TASOR: variants seen among roughly 807,000 people sequenced by gnomAD.
TASOR encodes the protein transcription activation suppressor.
Under a neutral mutation model 178.6 loss-of-function variants are expected in TASOR, and 53 were observed. The ratio of observed to expected loss-of-function variants is 0.30; its 90% CI spans 0.24 to 0.37. The LOEUF (loss-of-function observed/expected upper bound fraction) is 0.37, where lower values mean the gene tolerates loss of function less well. TASOR is among the 10% of genes least tolerant of loss of function. The pLI is 1.00. For missense variants in TASOR, 1,815 were observed against 1,971.4 expected, an observed-to-expected ratio of 0.92 and a Z score of 1.50; for synonymous variants, 713 against 696.2, an observed-to-expected ratio of 1.02 and a Z score of -0.38.
At position 56,649,074 on chromosome 3, in the gene TASOR, A is replaced by T. The variant is rs750445817; in HGVS notation, c.1369-17T>A. ...AACAAGAACCTGTATTTTGAGGGGA[A>T]GGAAGAAGTTGTATCTGCTTTATTA... is the stretch of plus-strand genomic sequence containing the variant. On this transcript the variant is annotated splice_polypyrimidine_tract_variant and intron_variant, in intron 11 of 23. Transcript: ENST00000683822. The T allele has an allele frequency of 1.3e-6, 2 of 1,580,964 alleles. No homozygotes were observed. The highest frequency in any genetic ancestry group is 2.7e-5 in the African/African-American group (2 of 73,284).
At chr3:56,638,522 C>A (rs1420422319) in intron 17 of TASOR, among the ~76,000 whole-genome samples, 184 bp downstream of exon 17, 1 of 152,106 alleles carries the variant, frequency 6.6e-6, no homozygotes, top group Non-Finnish European at 1.5e-5. Flanking sequence ...TCTGAACACT[C>A]TTTATAGTAA....
chr3:56,650,552 T>C (rs1260911262), intron 11 of TASOR, among the ~76,000 whole-genome samples: 1 of 152,230 alleles, frequency 6.6e-6, no homozygotes, highest in African/African-American at 2.4e-5. Flanking sequence ...TTGGGGAATC[T>C]TTCCCCATTT....
intron 7 of TASOR, among the ~76,000 whole-genome samples, chr3:56,665,146 G>C (rs1298856539): frequency 6.6e-6 from 1 of 152,040 alleles, no homozygotes. Context: ...CTGGGCAACA[G>C]AGCAAGACTT....
chr3:56,666,029 T>A (rs1248172269), intron 7 of TASOR, among the ~76,000 whole-genome samples: 2 of 152,112 alleles, frequency 1.3e-5, no homozygotes, highest in African/African-American at 4.8e-5. Context: ...AGGAAGAGAT[T>A]AGCGAGATGA....
chr3:56,624,808 C>T lies in TASOR; in HGVS notation c.4318+20G>A. 1 of 1,612,326 alleles carries T rather than the reference C, an allele frequency of 6.2e-7. No individual in the cohort carries two copies. The highest frequency in any genetic ancestry group is 1.3e-5 in the African/African-American group (1 of 74,956). ...ACATTCCTATATTCATAGTAGAAAG[C>T]TTAGGAGTGCTCTCTTTACCTGTTA... On this transcript the variant is annotated intron_variant, in intron 22 of 23. Transcript: ENST00000683822.
At chr3:56,629,373 C>T (rs534976569) in intron 18 of TASOR, among the ~76,000 whole-genome samples, 3 of 152,296 alleles carry the variant, frequency 2.0e-5, no homozygotes, top group African/African-American at 4.8e-5. Flanking sequence ...CTCACCTTTT[C>T]CTTTCCATTC....
chr3:56,623,781 T>A, intron 23 of TASOR: 1 of 1,551,032 alleles, frequency 6.4e-7, no homozygotes, highest in Non-Finnish European at 8.7e-7. Flanking sequence ...GCGAAATGTG[T>A]TCACGTTTAA....
At position 56,678,782 on chromosome 3, in the gene TASOR, G is replaced by A. The variant is rs1030038467; in HGVS notation, c.331+3894C>T. 5.3e-5 allele frequency among the ~76,000 whole-genome samples: 8 copies of A among 151,948 alleles called. 1 individual carries two copies. Among genetic ancestry groups the A allele is most frequent in the South Asian group, 4.2e-4 (2 of 4,812 alleles). On this transcript the variant is annotated intron_variant, in intron 1 of 23. Coordinates refer to ENST00000683822, the MANE Select transcript of TASOR (RefSeq NM_001365635.2). ...TCCCAGCACTTTGGGAGGCCAAGGA[G>A]GGCGGATCACTTCAGGTCAGGAGTT...
At chr3:56,668,330 A>C (rs2030281364) in intron 6 of TASOR, 67 bp downstream of exon 6, 14 of 1,444,634 alleles carry the variant, frequency 9.7e-6, no homozygotes, top group Non-Finnish European at 1.3e-5. Context: ...TGAAAGGGAG[A>C]CATTTTAAAG....
chr3:56,629,329 G>A (rs1473589652), intron 18 of TASOR, among the ~76,000 whole-genome samples: 1 of 151,708 alleles, frequency 6.6e-6, no homozygotes, highest in African/African-American at 2.4e-5. Context: ...ACACTTTAAG[G>A]CAACCTAGAG....
intron 7 of TASOR, chr3:56,664,025 A>C (rs1396811934): frequency 4.8e-6 from 1 of 208,092 alleles, no homozygotes; most frequent in East Asian, 1.9e-4. Context: ...TCTAATGAGG[A>C]AGACAGAAAA....
At chr3:56,648,747 G>A in intron 13 of TASOR, 75 bp downstream of exon 13, 1 of 1,045,600 alleles carries the variant, frequency 9.6e-7, no homozygotes, top group Non-Finnish European at 1.4e-6. Flanking sequence ...AAAATGTTTA[G>A]TGAGTTATCT....
At chr3:56,623,959 C>T (rs2076743726) in intron 23 of TASOR, 9 of 790,700 alleles carry the variant, frequency 1.1e-5, no homozygotes, top group Non-Finnish European at 1.5e-5. Flanking sequence ...ATGATCATTT[C>T]TGCTTTTTTT....
intron 17 of TASOR, 86 bp downstream of exon 17, chr3:56,638,620 A>G (rs2077062921): frequency 7.2e-7 from 1 of 1,381,044 alleles, no homozygotes; most frequent in Non-Finnish European, 1.0e-6. Context: ...ATTTAAGTCA[A>G]TGCCCTATTG....
At chr3:56,638,372 A>G (rs144669909) in intron 17 of TASOR, among the ~76,000 whole-genome samples, 2 of 152,290 alleles carry the variant, frequency 1.3e-5, no homozygotes, top group East Asian at 3.9e-4. Context: ...TCTCAAAAAA[A>G]CCAAAAACAA....
intron 1 of TASOR, among the ~76,000 whole-genome samples, chr3:56,682,068 TTAATC>T (rs2031843192): frequency 6.6e-6 from 1 of 152,358 alleles, no homozygotes; most frequent in Middle Eastern, 3.4e-3. Flanking sequence ...AAAAACCTAT[TTAATC>T]TAACGCTTCA....
chr3:56,638,580 G>A (rs4681945), intron 17 of TASOR, 126 bp downstream of exon 17: 9 of 774,320 alleles, frequency 1.2e-5, no homozygotes, highest in Middle Eastern at 4.9e-4. Context: ...AATAAATATG[G>A]TACTGTCCAA....
At chr3:56,672,225 T>A (rs557901843) in intron 2 of TASOR, among the ~76,000 whole-genome samples, 1 of 152,328 alleles carries the variant, frequency 6.6e-6, no homozygotes, top group East Asian at 1.9e-4. Flanking sequence ...TTCCTATCTA[T>A]AAAATAGATA....
At chr3:56,670,780 G>C (rs1265344214) in intron 3 of TASOR, among the ~76,000 whole-genome samples, 1 of 148,032 alleles carries the variant, frequency 6.8e-6, no homozygotes, top group Non-Finnish European at 1.5e-5. Context: ...TACTAAAAAC[G>C]CAAAAAAATT....
Sources: gnomAD v4.1 joint callset for allele counts (sites outside exome capture counted in the v4.1 genomes callset) on GRCh38, gnomAD v4.1.1 for gene constraint, MANE v1.5 for transcripts, NCBI Gene and HGNC (gene_info 2026-07-23, HGNC 2026-07-21) for gene names.